Variants in SPON2 observed in about 807,000 individuals in gnomAD.
SPON2 encodes the protein spondin-2.
In SPON2, 32 loss-of-function variants were observed where a neutral mutation model predicts 29.9. The ratio of observed to expected loss-of-function variants is 1.07; its 90% CI spans 0.81 to 1.44. The LOEUF (loss-of-function observed/expected upper bound fraction) is 1.44, where lower values mean the gene tolerates loss of function less well. Ranked by LOEUF, SPON2 falls within the 40% of genes most tolerant of loss-of-function variation. SPON2 has a pLI of 0.00. For synonymous variants in SPON2, 248 were observed against 209.1 expected, an observed-to-expected ratio of 1.19 and a Z score of -1.61; for missense variants, 541 against 455.5, an observed-to-expected ratio of 1.19 and a Z score of -1.71.
chr4:1,174,286 A>T (rs1263081236), upstream of SPON2, among the ~76,000 whole-genome samples: 1 of 152,122 alleles, frequency 6.6e-6, no homozygotes, highest in East Asian at 1.9e-4. Context: ...CAGGAACTCG[A>T]GACCAGCCTG....
chr4:1,185,990 A>G (rs1727786628), intron 1 of SPON2, among the ~76,000 whole-genome samples: 4 of 151,874 alleles, frequency 2.6e-5, no homozygotes, highest in South Asian at 4.2e-4. Context: ...CACGCCTGTA[A>G]TCCCAGCACT....
chr4:1,175,663 C>T (rs1325133358), upstream of SPON2, among the ~76,000 whole-genome samples: 5 of 142,638 alleles, frequency 3.5e-5, no homozygotes, highest in Non-Finnish European at 7.6e-5. Flanking sequence ...GCCCAGGCCT[C>T]GGGGGCTTCA....
chr4:1,170,366 C>T (rs764221590), intron 5 of SPON2, 36 bp downstream of exon 5: 3 of 1,593,518 alleles, frequency 1.9e-6, no homozygotes, highest in East Asian at 4.5e-5. Flanking sequence ...GGGTTCGGGG[C>T]TGCTGTGTGT....
intron 1 of SPON2, among the ~76,000 whole-genome samples, chr4:1,187,273 C>G (rs188392823): frequency 6.6e-6 from 1 of 152,278 alleles, no homozygotes; most frequent in Admixed American, 6.5e-5. Flanking sequence ...AGTCACAAAA[C>G]ACAAAGATTG....
chr4:1,206,994 T>G (rs1728357933), intron 1 of SPON2, among the ~76,000 whole-genome samples: 2 of 107,876 alleles, frequency 1.9e-5, no homozygotes, highest in South Asian at 3.4e-4. Flanking sequence ...TGGGGGTGGA[T>G]GGTGTCATTT....
chr4:1,171,320 G>T lies in SPON2; in HGVS notation c.387C>A (p.Val129=), dbSNP rs1482088620. ...CCGACGTCTGCCCGGTGCCGCTGGG[G>T]ACGGCGGGCGCCGAAAACACCGCGT... ...SVHAVFSAPA[V]PSGTGQTSAE... The change falls in exon 3 of 6, where the codon GTC becomes GTA. Residue 129 remains valine, a synonymous_variant. Transcript: ENST00000290902. 1.2e-6 allele frequency: 2 copies of T among 1,601,556 alleles called. No individual in the cohort carries two copies. Among genetic ancestry groups the T allele is most frequent in the Admixed American group, 3.4e-5 (2 of 59,644 alleles).
At chr4:1,172,508 C>T (rs1178124807) in intron 1 of SPON2, 36 bp downstream of exon 1, 4 of 209,654 alleles carry the variant, frequency 1.9e-5, no homozygotes, top group Non-Finnish European at 3.8e-5. Flanking sequence ...GAGGCCCGGG[C>T]CCTCTCTGGG....
In SPON2 at chr4:1,166,988, A is replaced by G. The variant is rs1727256025; in HGVS notation, c.*484T>C. 6.5e-6 allele frequency: 1 copy of G among 155,036 alleles called. No homozygotes were observed. The highest frequency in any genetic ancestry group is 2.4e-5 in the African/African-American group (1 of 41,546). The allele number at this position is 155,036 out of a possible 1,614,324, so 9.6% of individuals were successfully genotyped here. On this transcript the variant is annotated 3_prime_UTR_variant, in exon 6 of 6. Coordinates refer to ENST00000290902, the MANE Select transcript of SPON2 (RefSeq NM_012445.4). Reference sequence around the variant, plus strand: ...ACGCAGAGAGATCCATAACATGGAAACACTGACGCTTCCGAAACCGCCCCA... The same window carrying G: ...ACGCAGAGAGATCCATAACATGGAAGCACTGACGCTTCCGAAACCGCCCCA...
rs1023081939 is a variant in SPON2, at chr4:1,202,392, G to A, written c.-234+5488C>T. Among the ~76,000 whole-genome samples, 4 of 152,174 alleles carry A rather than the reference G, an allele frequency of 2.6e-5. No homozygotes were observed. Among genetic ancestry groups the A allele is most frequent in the East Asian group, 1.9e-4 (1 of 5,188 alleles). ...AGCCTGAGCTTTAGAGGACGGAAACGTTCCAACCACGGCACTGCACGCCAG... is the reference window on the plus strand; with the variant it reads ...AGCCTGAGCTTTAGAGGACGGAAACATTCCAACCACGGCACTGCACGCCAG... On this transcript the variant is annotated intron_variant, in intron 1 of 3. Coordinates refer to the SPON2 transcript ENST00000509233. This position sits in a 1 kb window ranked among gnomAD's most constrained non-coding sequence, Gnocchi z 5.4.
rs532327344 is a variant in SPON2, at chr4:1,171,227, C to G, written c.444+36G>C. 7.5e-4 allele frequency: 1,078 copies of G among 1,433,846 alleles called. 7 individuals carry two copies. In the African/African-American group the frequency reaches 0.015, roughly 20 times the overall value. 88.8% of individuals were successfully genotyped at this position (1,433,846 alleles called of 1,614,324 possible). ...GCGGCTCAGCGCGCCTGGCCCCGGC[C>G]CCCCGGACCCCGCCCCCGGCCGGCC... On this transcript the variant is annotated intron_variant, in intron 3 of 5. Coordinates refer to ENST00000290902, the MANE Select transcript of SPON2 (RefSeq NM_012445.4).
In SPON2 at chr4:1,172,040, C is replaced by A. The variant is rs367983395; in HGVS notation, c.32G>T (p.Gly11Val). 2.0e-5 allele frequency: 32 copies of A among 1,612,068 alleles called. No homozygotes were observed. The East Asian group carries it at 7.1e-4, about 36-fold the overall frequency. Residue 11 changes from glycine to valine, a missense_variant, in exon 2 of 6, where the codon GGC (glycine) becomes GTC (valine). Gly to Val is a moderately radical substitution (Grantham distance 109). Transcript: ENST00000290902. MENPSPAAAL[G>V]KALCALLLAT... is the part of the protein sequence containing the mutation. ...CAGGAGGAGAGCGCAGAGGGCCTTG[C>A]CCAGGGCGGCGGCCGGGCTGGGGTT...
upstream of SPON2, among the ~76,000 whole-genome samples, chr4:1,196,100 G>A (rs947517742): frequency 4.4e-4 from 67 of 152,268 alleles, no homozygotes; most frequent in Middle Eastern, 3.4e-3. Flanking sequence ...GCTGCCCCCC[G>A]ACAGGCCCTC....
At chr4:1,193,438 G>A (rs1441752226) in intron 1 of SPON2, among the ~76,000 whole-genome samples, 1 of 151,534 alleles carries the variant, frequency 6.6e-6, no homozygotes, top group African/African-American at 2.4e-5. Context: ...CCCACCCTGG[G>A]GCTGGGGAGG....
chr4:1,181,791 G>A (rs1727705966), intron 1 of SPON2, among the ~76,000 whole-genome samples: 1 of 152,192 alleles, frequency 6.6e-6, no homozygotes, highest in South Asian at 2.1e-4. Context: ...ATTTGGGATT[G>A]GTGTTCTGAT....
At chr4:1,194,817 T>C (rs976476225) in intron 1 of SPON2, among the ~76,000 whole-genome samples, 14 of 151,954 alleles carry the variant, frequency 9.2e-5, no homozygotes, top group African/African-American at 3.4e-4. Context: ...GGCAGAGGCC[T>C]CACCTCACAG....
At chr4:1,198,828 G>A (rs1728130560), upstream of SPON2, among the ~76,000 whole-genome samples, 1 of 152,154 alleles carries the variant, frequency 6.6e-6, no homozygotes, top group African/African-American at 2.4e-5. Context: ...CAATCTTTAT[G>A]AATAAAAGCA....
intron 1 of SPON2, chr4:1,194,971 C>CCGCAGCCGGCGGCTCCAACCT (rs1728019737): frequency 7.0e-6 from 1 of 142,662 alleles, no homozygotes; most frequent in African/African-American, 2.7e-5. Flanking sequence ...GACTCCAACC[C>CCGCAGCCGGCGGCTCCAACCT]CGCAGCCGGC....
intron 4 of SPON2, 75 bp downstream of exon 4, chr4:1,170,924 G>A (rs1727414628): frequency 2.0e-6 from 3 of 1,523,214 alleles, no homozygotes; most frequent in Non-Finnish European, 2.7e-6. Flanking sequence ...GGGAGGCGAG[G>A]GTGCAGCCAG....
At chr4:1,200,591 C>A in intron 1 of SPON2, 4 of 345,630 alleles carry the variant, frequency 1.2e-5, no homozygotes, top group Non-Finnish European at 1.2e-5. Context: ...AACGTGGTTT[C>A]CTCTGGCTGC....
Sources: allele counts gnomAD v4.1 joint callset (sites outside exome capture counted in the v4.1 genomes callset), GRCh38; gene constraint gnomAD v4.1.1; non-coding constraint Gnocchi (gnomAD v3.1); transcripts MANE v1.5; gene names NCBI Gene and HGNC (gene_info 2026-07-23, HGNC 2026-07-21).